Variants in GAREM1 observed in about 807,000 individuals in gnomAD.
GAREM1 encodes GRB2 associated regulator of MAPK1 subtype 1.
In GAREM1, 26 loss-of-function variants were observed where a neutral mutation model predicts 71.3. The ratio of observed to expected loss-of-function variants is 0.36; its 90% CI spans 0.27 to 0.51. The LOEUF is 0.51. Ranked by LOEUF, GAREM1 falls within the 20% of genes least tolerant of loss-of-function variation. The pLI is 0.95. For missense variants in GAREM1, 1,026 were observed against 1,103.1 expected, an observed-to-expected ratio of 0.93 and a Z score of 0.99; for synonymous variants, 440 against 433.2, an observed-to-expected ratio of 1.02 and a Z score of -0.20.
chr18:32,445,958 G>A (rs559713530), intron 1 of GAREM1, among the ~76,000 whole-genome samples: 3 of 152,192 alleles, frequency 2.0e-5, no homozygotes, highest in South Asian at 4.1e-4. Context: ...GTATCATGTT[G>A]AGGTAAAATG....
At chr18:32,338,401 T>C (rs976841541) in intron 2 of GAREM1, among the ~76,000 whole-genome samples, 1 of 152,162 alleles carries the variant, frequency 6.6e-6, no homozygotes, top group African/African-American at 2.4e-5. Flanking sequence ...ACTAGCCACT[T>C]AATGGTCCTC....
At chr18:32,324,297 T>C (rs2047455509) in intron 2 of GAREM1, among the ~76,000 whole-genome samples, 1 of 152,152 alleles carries the variant, frequency 6.6e-6, no homozygotes, top group African/African-American at 2.4e-5. Context: ...AAGAAAACAC[T>C]CAAGGATTTT....
intron 4 of GAREM1, among the ~76,000 whole-genome samples, chr18:32,285,346 G>A (rs989103947): frequency 5.3e-5 from 8 of 152,174 alleles, no homozygotes; most frequent in African/African-American, 1.2e-4. Context: ...ACAGCTAAGC[G>A]TGGAGCCTGG....
At chr18:32,363,967 CATACACAA>C (rs1370318739) in intron 2 of GAREM1, among the ~76,000 whole-genome samples, 136 of 103,634 alleles carry the variant, frequency 1.3e-3, no homozygotes, top group African/African-American at 4.5e-3. Flanking sequence ...AATACATATA[CATACACAA>C]ATACATAAAT....
At chr18:32,438,728 T>C (rs145409822) in intron 1 of GAREM1, among the ~76,000 whole-genome samples, 33 of 152,328 alleles carry the variant, frequency 2.2e-4, no homozygotes, top group African/African-American at 7.7e-4. Flanking sequence ...TTCTTATCTA[T>C]AAAATGAAAT....
At chr18:32,353,241 A>G (rs1478360472) in intron 2 of GAREM1, among the ~76,000 whole-genome samples, 1 of 152,250 alleles carries the variant, frequency 6.6e-6, no homozygotes, top group Non-Finnish European at 1.5e-5. Flanking sequence ...ATATTTTTCA[A>G]CAAATATCTT....
intron 2 of GAREM1, among the ~76,000 whole-genome samples, chr18:32,378,012 CTGTGTGTGTGTGTGTG>C (rs1157230204): frequency 7.4e-4 from 97 of 131,856 alleles, no homozygotes; most frequent in South Asian, 3.4e-3. Context: ...TACTATATAA[CTGTGTGTGTGTGTGTG>C]TGTGTGTGTG....
chr18:32,292,994 A>G (rs969508160), intron 3 of GAREM1, among the ~76,000 whole-genome samples: 2 of 152,104 alleles, frequency 1.3e-5, no homozygotes, highest in Non-Finnish European at 2.9e-5. Flanking sequence ...AGTTACAGAG[A>G]TTGCATTTTG....
At chr18:32,452,635 A>G (rs758703766) in intron 1 of GAREM1, among the ~76,000 whole-genome samples, 24 of 152,150 alleles carry the variant, frequency 1.6e-4, no homozygotes, top group Non-Finnish European at 2.6e-4. Flanking sequence ...TGGGCCTCTG[A>G]ACTCCTTGAG....
chr18:32,373,199 A>G (rs1485435967), intron 2 of GAREM1, among the ~76,000 whole-genome samples: 1 of 152,242 alleles, frequency 6.6e-6, no homozygotes, highest in Non-Finnish European at 1.5e-5. Flanking sequence ...AAGGGGACAC[A>G]TAAAATTGTT....
At chr18:32,330,127 C>T (rs978422808) in intron 2 of GAREM1, among the ~76,000 whole-genome samples, 1 of 152,122 alleles carries the variant, frequency 6.6e-6, no homozygotes, top group African/African-American at 2.4e-5. Context: ...CGATGATGGA[C>T]TGTATAAAGA....
chr18:32,417,669 A>C (rs914070902), intron 1 of GAREM1, among the ~76,000 whole-genome samples: 2 of 152,140 alleles, frequency 1.3e-5, no homozygotes, highest in African/African-American at 2.4e-5. Context: ...TCTAAAAATC[A>C]AAACAACTGA....
intron 2 of GAREM1, among the ~76,000 whole-genome samples, chr18:32,375,420 C>T (rs1036177246): frequency 2.0e-5 from 3 of 150,804 alleles, no homozygotes; most frequent in African/African-American, 4.9e-5. Flanking sequence ...TTCACAGGTT[C>T]GTTTGAGTTT....
chr18:32,464,080 C>G (rs1192784823), intron 1 of GAREM1, among the ~76,000 whole-genome samples: 2 of 149,966 alleles, frequency 1.3e-5, no homozygotes, highest in African/African-American at 2.4e-5. Context: ...CATTTGAGGT[C>G]AGGAGTTCAA....
chr18:32,359,641 G>T (rs965087462), intron 2 of GAREM1, among the ~76,000 whole-genome samples: 2 of 151,678 alleles, frequency 1.3e-5, no homozygotes, highest in African/African-American at 4.9e-5. Flanking sequence ...AGGACATCAT[G>T]TGATCTATCA....
In GAREM1 at chr18:32,470,297, C is replaced by A; in HGVS notation, c.121+11G>T. The A allele has an allele frequency of 6.6e-7, 1 of 1,523,654 alleles. No homozygotes were observed. The highest frequency in any genetic ancestry group is 8.8e-7 in the Non-Finnish European group (1 of 1,136,788). 94.4% of individuals were successfully genotyped at this position (1,523,654 alleles called of 1,614,324 possible). ...CTCGCCCGTCTGCCCCGCGCCCCAG[C>A]TGGGACTCACCGTTGTCCAGGCGCG... is the stretch of plus-strand genomic sequence containing the variant. On this transcript the variant is annotated intron_variant, in intron 1 of 5. Coordinates refer to ENST00000269209, the MANE Select transcript of GAREM1 (RefSeq NM_001242409.2). This position sits in a 1 kb window ranked among gnomAD's most constrained non-coding sequence, Gnocchi z 4.4.
At chr18:32,389,789 T>C (rs1473191620) in intron 2 of GAREM1, among the ~76,000 whole-genome samples, 2 of 152,126 alleles carry the variant, frequency 1.3e-5, no homozygotes, top group Non-Finnish European at 2.9e-5. Context: ...TGGCAATAAA[T>C]AGATTCTTGG....
rs761287315 is a variant in GAREM1, at chr18:32,268,694, G to C, written c.1808C>G (p.Thr603Ser). The C allele has an allele frequency of 6.2e-7, 1 of 1,614,122 alleles. No homozygotes were observed. The highest frequency in any genetic ancestry group is 2.2e-5 in the East Asian group (1 of 44,886). The stretch of plus-strand genomic sequence containing the variant: ...CGGGGATTTCAGGTCCACAGAATCA[G>C]TTTTCACTCGGTTACATGGATAGCA... ...VSCYPCNRVK[T>S]DSVDLKSPFG... Residue 603 changes from threonine (T) to serine (S), a missense_variant, in exon 6 of 6, where the codon ACT (threonine) becomes AGT (serine). Around this residue, in one of 3 missense-constraint regions of GAREM1, gnomAD observed 636 missense variants for 631.2 expected, o/e 1.01. Coordinates refer to ENST00000269209, the MANE Select transcript of GAREM1 (RefSeq NM_001242409.2).
chr18:32,401,093 C>T (rs1020525944), intron 1 of GAREM1, among the ~76,000 whole-genome samples: 1 of 152,078 alleles, frequency 6.6e-6, no homozygotes, highest in Non-Finnish European at 1.5e-5. Flanking sequence ...ACAAACACTG[C>T]ATGTTCTCAC....
Sources: gnomAD v4.1 joint callset for allele counts (sites outside exome capture counted in the v4.1 genomes callset) on GRCh38, gnomAD v4.1.1 for gene constraint, gnomAD v4.1.1 regional missense constraint, Gnocchi (gnomAD v3.1) non-coding constraint, MANE v1.5 for transcripts, NCBI Gene and HGNC (gene_info 2026-07-23, HGNC 2026-07-21) for gene names.